Variants in AFG2A observed in about 807,000 individuals in gnomAD.
AFG2A encodes the protein AAA ATPase AFG2A.
the AFG2A span, among the ~76,000 whole-genome samples, chr4:123,187,239 G>A: frequency 1.2e-4 from 19 of 152,230 alleles, no homozygotes; most frequent in East Asian, 1.5e-3. Context: ...GGTACTCTCC[G>A]AAATAGCTCT....
At chr4:122,961,663 C>G in the AFG2A span, among the ~76,000 whole-genome samples, 2 of 152,150 alleles carry the variant, frequency 1.3e-5, no homozygotes, top group Non-Finnish European at 2.9e-5. Context: ...CACTACAACG[C>G]CTGGCTAATT....
the AFG2A span, among the ~76,000 whole-genome samples, chr4:123,104,066 C>T: frequency 2.6e-5 from 4 of 151,990 alleles, no homozygotes; most frequent in Non-Finnish European, 4.4e-5. Flanking sequence ...AGGGATACCT[C>T]GTTATATTGT....
At chr4:123,093,190 G>A in the AFG2A span, among the ~76,000 whole-genome samples, 6 of 152,282 alleles carry the variant, frequency 3.9e-5, no homozygotes, top group African/African-American at 1.4e-4. Context: ...GTGTTAGACA[G>A]CAATCTTTTA....
the AFG2A span, among the ~76,000 whole-genome samples, chr4:123,063,872 T>C: frequency 6.6e-6 from 1 of 152,202 alleles, no homozygotes; most frequent in Non-Finnish European, 1.5e-5. Context: ...TCAAATTATT[T>C]TGACTACTTA....
chr4:123,143,522 T>C, the AFG2A span, among the ~76,000 whole-genome samples: 1 of 152,066 alleles, frequency 6.6e-6, no homozygotes, highest in East Asian at 1.9e-4. Flanking sequence ...TAACCCACCT[T>C]CTTATGAGCT....
At chr4:123,124,989 C>A in the AFG2A span, among the ~76,000 whole-genome samples, 1 of 152,140 alleles carries the variant, frequency 6.6e-6, no homozygotes, top group Non-Finnish European at 1.5e-5. Flanking sequence ...TGAGTTCTTA[C>A]GAACACCTTT....
At chr4:123,003,426 C>G in the AFG2A span, among the ~76,000 whole-genome samples, 1 of 152,146 alleles carries the variant, frequency 6.6e-6, no homozygotes, top group Non-Finnish European at 1.5e-5. Flanking sequence ...TTTTCCCCAT[C>G]TTTGTGGTTT....
the AFG2A span, among the ~76,000 whole-genome samples, chr4:123,302,697 A>G: frequency 6.6e-6 from 1 of 152,086 alleles, no homozygotes; most frequent in African/African-American, 2.4e-5. Context: ...TTTCTGTGCT[A>G]GGAAGGGAGA....
chr4:122,938,466 G>A, the AFG2A span, among the ~76,000 whole-genome samples: 6,242 of 152,176 alleles, frequency 0.041, 411 homozygotes, highest in African/African-American at 0.14. Context: ...GTTTTTTCTA[G>A]CATATAAAAT....
chr4:123,193,540 T>G, the AFG2A span, among the ~76,000 whole-genome samples: 3 of 152,214 alleles, frequency 2.0e-5, no homozygotes, highest in Admixed American at 1.3e-4. Context: ...AGTGTAATTT[T>G]TATTTAGCAC....
the AFG2A span, among the ~76,000 whole-genome samples, chr4:122,968,987 G>A: frequency 6.6e-6 from 1 of 151,942 alleles, no homozygotes; most frequent in Non-Finnish European, 1.5e-5. Flanking sequence ...ATATTGATTT[G>A]TGGAAGTTAT....
the AFG2A span, among the ~76,000 whole-genome samples, chr4:123,204,686 G>A: frequency 5.9e-5 from 9 of 152,304 alleles, no homozygotes; most frequent in African/African-American, 1.9e-4. Context: ...CCTTACATGA[G>A]TGATGCCACA....
At chr4:123,162,516 G>C in the AFG2A span, among the ~76,000 whole-genome samples, 3 of 152,048 alleles carry the variant, frequency 2.0e-5, no homozygotes, top group African/African-American at 7.2e-5. Flanking sequence ...AAAGAAAGGA[G>C]AATCAATGGG....
the AFG2A span, among the ~76,000 whole-genome samples, chr4:123,175,528 C>A: frequency 6.6e-6 from 1 of 152,174 alleles, no homozygotes; most frequent in African/African-American, 2.4e-5. Flanking sequence ...TGAGGACATT[C>A]ATGCACTGCT....
At chr4:123,094,325 C>T in the AFG2A span, among the ~76,000 whole-genome samples, 1 of 152,072 alleles carries the variant, frequency 6.6e-6, no homozygotes, top group Non-Finnish European at 1.5e-5. Flanking sequence ...CTGTCCAACC[C>T]CCTATTTCCC....
chr4:123,226,071 G>A, the AFG2A span, among the ~76,000 whole-genome samples: 3 of 152,202 alleles, frequency 2.0e-5, no homozygotes, highest in Non-Finnish European at 4.4e-5. Flanking sequence ...TGTATCCTGA[G>A]AGTTTGCTGA....
chr4:123,260,340 C>T, the AFG2A span, among the ~76,000 whole-genome samples: 8 of 152,112 alleles, frequency 5.3e-5, no homozygotes, highest in Non-Finnish European at 8.8e-5. Context: ...CTGTCATGCC[C>T]TGAATTCTGT....
At chr4:123,150,000 A>G in the AFG2A span, among the ~76,000 whole-genome samples, 2 of 152,070 alleles carry the variant, frequency 1.3e-5, no homozygotes, top group Non-Finnish European at 2.9e-5. Context: ...AATACATCAC[A>G]TAAACAGAAC....
At chr4:123,014,397 GT>G in the AFG2A span, among the ~76,000 whole-genome samples, 28 of 150,932 alleles carry the variant, frequency 1.9e-4, no homozygotes, top group South Asian at 4.6e-3. Context: ...TTTTTTATGA[GT>G]TTTTTTTCTT....
Sources: allele counts gnomAD v4.1 joint callset (sites outside exome capture counted in the v4.1 genomes callset), GRCh38; gene constraint gnomAD v4.1.1; transcripts MANE v1.5; gene names NCBI Gene and HGNC (gene_info 2026-07-23, HGNC 2026-07-21).